Variants in CTNND2 observed in about 807,000 individuals in gnomAD.
CTNND2 encodes catenin delta-2.
CTNND2 carries 22 observed loss-of-function variants against 144.4 expected under a neutral mutation model. The observed-to-expected ratio is 0.15, with a 90% CI of 0.11 to 0.22. CTNND2 has a LOEUF of 0.22. Ranked by LOEUF, CTNND2 falls within the 10% of genes least tolerant of loss-of-function variation. The pLI, the probability that CTNND2 is intolerant of heterozygous loss-of-function variation, is 1.00. For missense variants in CTNND2, 1,353 were observed against 1,618.8 expected, an observed-to-expected ratio of 0.84 and a Z score of 2.82; for synonymous variants, 751 against 695.6, an observed-to-expected ratio of 1.08 and a Z score of -1.25.
At chr5:11,352,177 T>TTCTTAGTAGTA (rs1382557064) in intron 8 of CTNND2, among the ~76,000 whole-genome samples, 1 of 152,188 alleles carries the variant, frequency 6.6e-6, no homozygotes, top group African/African-American at 2.4e-5. Flanking sequence ...TTAGTAGTAA[T>TTCTTAGTAGTA]GGAATAATTG....
chr5:11,777,265 T>C (rs1790309401), intron 1 of CTNND2, among the ~76,000 whole-genome samples: 1 of 152,232 alleles, frequency 6.6e-6, no homozygotes, highest in Admixed American at 6.5e-5. Context: ...AACAGGACGT[T>C]TGTACACAAT....
chr5:11,233,946 T>C (rs760166249), intron 10 of CTNND2, among the ~76,000 whole-genome samples: 112 of 151,412 alleles, frequency 7.4e-4, no homozygotes, highest in African/African-American at 2.7e-3. Flanking sequence ...CTTCCCTTCC[T>C]TCTCATCCCA....
intron 1 of CTNND2, among the ~76,000 whole-genome samples, chr5:11,733,428 A>G (rs1490911386): frequency 6.6e-6 from 1 of 152,194 alleles, no homozygotes; most frequent in Non-Finnish European, 1.5e-5. Flanking sequence ...ATTTGGTCAC[A>G]GAAGTCTTCT....
At chr5:11,386,005 T>C (rs1355671837) in intron 6 of CTNND2, 1 of 152,218 alleles carries the variant, frequency 6.6e-6, no homozygotes, top group Non-Finnish European at 1.5e-5. Context: ...CCTGCAGCTG[T>C]GTCTTCAAAC....
At chr5:11,723,952 A>AG (rs1158653904) in intron 2 of CTNND2, among the ~76,000 whole-genome samples, 1 of 151,796 alleles carries the variant, frequency 6.6e-6, no homozygotes, top group Non-Finnish European at 1.5e-5. Context: ...GCTGCTCGGG[A>AG]GCTGTGGCAG....
At chr5:11,410,727 T>G (rs1761450897) in intron 5 of CTNND2, among the ~76,000 whole-genome samples, 2 of 152,090 alleles carry the variant, frequency 1.3e-5, no homozygotes, top group Admixed American at 1.3e-4. Context: ...AATACAGAAA[T>G]GTAAGAATTT....
intron 1 of CTNND2, among the ~76,000 whole-genome samples, chr5:11,789,774 A>G (rs1791035967): frequency 6.6e-6 from 1 of 152,220 alleles, no homozygotes; most frequent in African/African-American, 2.4e-5. Context: ...GAAGTGATAC[A>G]AAGCATAACA....
At chr5:11,439,159 A>G (rs971926219) in intron 3 of CTNND2, among the ~76,000 whole-genome samples, 1 of 152,126 alleles carries the variant, frequency 6.6e-6, no homozygotes, top group African/African-American at 2.4e-5. Context: ...GCATGGATGC[A>G]TGGGTTTCTC....
Position 11,218,573 on chromosome 5 carries a change from A to G in CTNND2, c.1761+18118T>C, listed in dbSNP as rs561664730. 2.0e-5 allele frequency among the ~76,000 whole-genome samples: 3 copies of G among 152,322 alleles called. No homozygotes were observed. In the South Asian group the frequency reaches 6.2e-4, roughly 32 times the overall value. ...CTTTTTCTCAGAAACTAGGATTGAAAAAAAAGGCATTTTTCATATGGATGA... is the reference window on the plus strand; with the variant it reads ...CTTTTTCTCAGAAACTAGGATTGAAGAAAAAGGCATTTTTCATATGGATGA... On this transcript the variant is annotated intron_variant, in intron 10 of 21. Transcript: ENST00000304623.
At chr5:11,017,695 T>C (rs1007938093) in intron 18 of CTNND2, among the ~76,000 whole-genome samples, 12 of 151,986 alleles carry the variant, frequency 7.9e-5, no homozygotes, top group African/African-American at 2.9e-4. Context: ...GTTAGTCTAC[T>C]GTAGAATACT....
At chr5:11,518,088 T>C (rs910025691) in intron 3 of CTNND2, among the ~76,000 whole-genome samples, 1 of 152,194 alleles carries the variant, frequency 6.6e-6, no homozygotes, top group Non-Finnish European at 1.5e-5. Flanking sequence ...CGACGTCACA[T>C]AACAACATTT....
chr5:11,399,292 A>T lies in CTNND2; in HGVS notation c.440-2089T>A, dbSNP rs115774233. Among the ~76,000 whole-genome samples the T allele has an allele frequency of 2.0e-3, 300 of 152,344 alleles. 2 individuals carry two copies. The highest frequency in any genetic ancestry group is 6.9e-3 in the African/African-American group (288 of 41,590). ...GGCAAAGAAGGTTAAAGCAGATACAACGACAGTGCACAGACCTTTGGAAAT... is the reference window on the plus strand; with the variant it reads ...GGCAAAGAAGGTTAAAGCAGATACATCGACAGTGCACAGACCTTTGGAAAT... On this transcript the variant is annotated intron_variant, in intron 5 of 21. Coordinates refer to ENST00000304623, the MANE Select transcript of CTNND2 (RefSeq NM_001332.4).
At chr5:11,756,723 C>T (rs1276066399) in intron 1 of CTNND2, among the ~76,000 whole-genome samples, 1 of 150,492 alleles carries the variant, frequency 6.6e-6, no homozygotes, top group Non-Finnish European at 1.5e-5. Flanking sequence ...CTTTTTTTTC[C>T]AATCAGTATG....
intron 1 of CTNND2, among the ~76,000 whole-genome samples, chr5:11,828,225 G>A (rs1793701019): frequency 6.6e-6 from 1 of 152,152 alleles, no homozygotes; most frequent in Non-Finnish European, 1.5e-5. Flanking sequence ...AAGATCTGAT[G>A]GTTTTAAAAA....
chr5:11,792,701 T>C (rs929597505), intron 1 of CTNND2, among the ~76,000 whole-genome samples: 3 of 152,226 alleles, frequency 2.0e-5, no homozygotes, highest in Non-Finnish European at 4.4e-5. Context: ...TTTTACTGAT[T>C]CTTTCTTTTA....
chr5:11,165,038 C>T (rs1759168752), intron 11 of CTNND2, among the ~76,000 whole-genome samples: 2 of 152,112 alleles, frequency 1.3e-5, no homozygotes, highest in South Asian at 2.1e-4. Flanking sequence ...TTATAGGATG[C>T]CATGTGCTGT....
rs746087872 is a variant in CTNND2, at chr5:11,384,777, C to G, written c.1065G>C (p.Thr355=). Residue 355 remains threonine, a synonymous_variant, in exon 7 of 22, where the codon ACG becomes ACC. Coordinates refer to ENST00000304623, the MANE Select transcript of CTNND2 (RefSeq NM_001332.4). The surrounding 1 kb of genome is among the most constrained non-coding windows in gnomAD (Gnocchi z 5.2). ...GCTTGGTGGGCGACAGGGTGGCGTA[C>G]GTGCCGATGGTGGAGCTCAGCTGGT... ...PIHQLSSTIG[T]YATLSPTKRL... The G allele has an allele frequency of 5.6e-6, 9 of 1,612,962 alleles. No individual in the cohort carries two copies. Among genetic ancestry groups the G allele is most frequent in the East Asian group, 2.2e-5 (1 of 44,842 alleles).
intron 13 of CTNND2, among the ~76,000 whole-genome samples, chr5:11,113,910 G>A (rs1435492170): frequency 6.6e-6 from 1 of 152,168 alleles, no homozygotes; most frequent in Non-Finnish European, 1.5e-5. Flanking sequence ...GAAAACTTAC[G>A]AGGAAAACCA....
At chr5:11,631,582 C>T (rs10040836) in intron 2 of CTNND2, among the ~76,000 whole-genome samples, 8,903 of 152,216 alleles carry the variant, frequency 0.058, 505 homozygotes, top group African/African-American at 0.14. Flanking sequence ...TCACCACCTC[C>T]AAGTATAGAG....
Sources: gnomAD v4.1 joint callset for allele counts (sites outside exome capture counted in the v4.1 genomes callset) on GRCh38, gnomAD v4.1.1 for gene constraint, Gnocchi (gnomAD v3.1) non-coding constraint, MANE v1.5 for transcripts, NCBI Gene and HGNC (gene_info 2026-07-23, HGNC 2026-07-21) for gene names.